Variants in WDFY2 observed in about 807,000 individuals in gnomAD.
The protein encoded by WDFY2 is WD repeat and FYVE domain-containing protein 2.
A neutral mutation model predicts 56.4 loss-of-function variants in WDFY2; 36 were observed. The ratio of observed to expected loss-of-function variants is 0.64; its 90% CI spans 0.49 to 0.84. The LOEUF (loss-of-function observed/expected upper bound fraction) is 0.84, where lower values mean the gene tolerates loss of function less well. WDFY2 is among the 40% of genes least tolerant of loss of function. The probability of loss-of-function intolerance (pLI) is 0.00; values close to 1 mark genes in which losing one functional copy is unlikely to be tolerated. For missense variants in WDFY2, 444 were observed against 512.2 expected (o/e 0.87, Z 1.29); for synonymous variants, 176 against 183.7 (o/e 0.96, Z 0.34).
chr13:51,725,791 TCAAG>T (rs1321253814), intron 5 of WDFY2, among the ~76,000 whole-genome samples: 2 of 151,804 alleles, frequency 1.3e-5, no homozygotes, highest in African/African-American at 4.8e-5. Context: ...TTTCCTGGAC[TCAAG>T]CAATCCTCCT....
chr13:51,684,881 G>T (rs191357524), intron 3 of WDFY2, among the ~76,000 whole-genome samples: 1 of 152,052 alleles, frequency 6.6e-6, no homozygotes, highest in Non-Finnish European at 1.5e-5. Context: ...TTGTCTCTAG[G>T]TTTCTCCAGC....
intron 7 of WDFY2, among the ~76,000 whole-genome samples, chr13:51,745,735 A>AT (rs1360957657): frequency 1.8e-5 from 2 of 112,366 alleles, no homozygotes; most frequent in East Asian, 4.9e-4. Context: ...ATTATCCTTC[A>AT]TTTAAAAAAA....
chr13:51,596,053 G>A (rs1447589193), intron 1 of WDFY2, among the ~76,000 whole-genome samples: 1 of 152,176 alleles, frequency 6.6e-6, no homozygotes, highest in African/African-American at 2.4e-5. Context: ...CCTGGAGTCA[G>A]TTTACATGCC....
At chr13:51,714,282 T>TTTTTG (rs1317599212) in intron 4 of WDFY2, among the ~76,000 whole-genome samples, 1 of 151,978 alleles carries the variant, frequency 6.6e-6, no homozygotes, top group African/African-American at 2.4e-5. Flanking sequence ...TGTTTTTGTT[T>TTTTTG]TTTTGTTTTG....
At chr13:51,717,935 A>G (rs1416754964) in intron 4 of WDFY2, among the ~76,000 whole-genome samples, 1 of 152,204 alleles carries the variant, frequency 6.6e-6, no homozygotes, top group Non-Finnish European at 1.5e-5. Flanking sequence ...TAGCAATCCC[A>G]AAGGGCCATC....
chr13:51,723,260 A>G (rs897407351), intron 5 of WDFY2, among the ~76,000 whole-genome samples: 1 of 152,216 alleles, frequency 6.6e-6, no homozygotes, highest in African/African-American at 2.4e-5. Context: ...CTTTTTCAGT[A>G]ATCACAATGC....
chr13:51,620,587 C>T (rs1388468506), intron 1 of WDFY2, among the ~76,000 whole-genome samples: 1 of 152,158 alleles, frequency 6.6e-6, no homozygotes, highest in South Asian at 2.1e-4. Flanking sequence ...AGCCCGTCTG[C>T]ACCTGCTCAC....
chr13:51,639,688 G>A (rs1955120163), intron 1 of WDFY2, among the ~76,000 whole-genome samples: 1 of 152,134 alleles, frequency 6.6e-6, no homozygotes, highest in East Asian at 1.9e-4. Context: ...AAAGTAGATG[G>A]ATATTCGAAA....
At chr13:51,713,711 G>T (rs555071983) in intron 4 of WDFY2, among the ~76,000 whole-genome samples, 2 of 152,132 alleles carry the variant, frequency 1.3e-5, no homozygotes, top group South Asian at 4.2e-4. Context: ...AGCCTGCGTG[G>T]TGGTGTGCGC....
At chr13:51,688,538 T>TTC (rs1956098977) in intron 3 of WDFY2, among the ~76,000 whole-genome samples, 1 of 152,130 alleles carries the variant, frequency 6.6e-6, no homozygotes, top group East Asian at 1.9e-4. Context: ...CTGAGACTTT[T>TTC]TCCTTAGTAT....
intron 1 of WDFY2, among the ~76,000 whole-genome samples, chr13:51,639,612 G>A (rs1955118357): frequency 6.6e-6 from 1 of 152,002 alleles, no homozygotes; most frequent in South Asian, 2.1e-4. Flanking sequence ...TTTTAATATA[G>A]GCTGGATTAT....
chr13:51,710,303 T>A (rs1187433726), intron 4 of WDFY2, among the ~76,000 whole-genome samples: 1 of 152,134 alleles, frequency 6.6e-6, no homozygotes, highest in Non-Finnish European at 1.5e-5. Flanking sequence ...TAATAAGAGC[T>A]ATTTATGACA....
chr13:51,739,518 C>A (rs1952917223), intron 7 of WDFY2, among the ~76,000 whole-genome samples: 1 of 151,868 alleles, frequency 6.6e-6, no homozygotes. Context: ...TGAAGGCTTA[C>A]AAAATTTATA....
At chr13:51,620,166 G>A (rs1199162123) in intron 1 of WDFY2, among the ~76,000 whole-genome samples, 7 of 120,584 alleles carry the variant, frequency 5.8e-5, no homozygotes, top group South Asian at 5.5e-4. Flanking sequence ...TTTAAAAAAC[G>A]TAAAATGCTA....
chr13:51,641,038 T>A (rs1482407808), intron 1 of WDFY2, among the ~76,000 whole-genome samples: 2 of 152,210 alleles, frequency 1.3e-5, no homozygotes, highest in African/African-American at 4.8e-5. Flanking sequence ...AACCACGTTC[T>A]ATCCAAGTTG....
intron 3 of WDFY2, among the ~76,000 whole-genome samples, chr13:51,703,385 A>G (rs1952022424): frequency 1.3e-5 from 2 of 152,238 alleles, no homozygotes. Context: ...ACAAAAAGTC[A>G]ACACTTATAA....
intron 5 of WDFY2, among the ~76,000 whole-genome samples, chr13:51,721,590 G>A (rs1262055166): frequency 2.6e-5 from 4 of 151,828 alleles, no homozygotes; most frequent in East Asian, 1.9e-4. Flanking sequence ...GCAGAAAGTC[G>A]TATGATTGGG....
intron 7 of WDFY2, among the ~76,000 whole-genome samples, chr13:51,750,929 A>AT (rs1330830533): frequency 2.0e-5 from 3 of 152,160 alleles, no homozygotes; most frequent in Non-Finnish European, 2.9e-5. Context: ...TTCAAGGATA[A>AT]TTTTTTAAAA....
chr13:51,677,488 C>T (rs1447013511), intron 3 of WDFY2, among the ~76,000 whole-genome samples: 5 of 152,128 alleles, frequency 3.3e-5, no homozygotes, highest in African/African-American at 9.7e-5. Flanking sequence ...ACTTTTTAGA[C>T]ACAAGAAATC....
Sources: gnomAD v4.1 joint callset for allele counts (sites outside exome capture counted in the v4.1 genomes callset) on GRCh38, gnomAD v4.1.1 for gene constraint, MANE v1.5 for transcripts, NCBI Gene and HGNC (gene_info 2026-07-23, HGNC 2026-07-21) for gene names.